The following PRAG1 variants were observed in gnomAD, a reference collection of about 807,000 sequenced individuals.
PRAG1 encodes PEAK1 related, kinase-activating pseudokinase 1.
A neutral mutation model predicts 95.6 loss-of-function variants in PRAG1; 110 were observed. The observed-to-expected ratio is 1.15, with a 90% CI of 0.99 to 1.35. PRAG1 has a LOEUF of 1.35. Among genes scored for constraint, PRAG1 ranks in the 40% most tolerant of loss-of-function variants. The pLI, the probability that PRAG1 is intolerant of heterozygous loss-of-function variation, is 0.00. For missense variants in PRAG1, 2,554 were observed against 1,864.7 expected, an observed-to-expected ratio of 1.37 and a Z score of -6.81; for synonymous variants, 1,052 against 819.4, an observed-to-expected ratio of 1.28 and a Z score of -4.85.
In PRAG1 at chr8:8,348,967, G is replaced by A. The variant is rs1473128544; in HGVS notation, c.2163-9332C>T. ...GTTTTGAGGCCACAGTGGCATCTGG[G>A]AGAATAAATGTTTCCTTTAAGAAAG... On this transcript the variant is annotated intron_variant, in intron 3 of 5. Coordinates refer to ENST00000615670, the MANE Select transcript of PRAG1 (RefSeq NM_001080826.3). Among the ~76,000 whole-genome samples the A allele has an allele frequency of 2.0e-5, 3 of 152,256 alleles. No homozygotes were observed. The East Asian group carries it at 5.8e-4, about 29-fold the overall frequency.
intron 3 of PRAG1, among the ~76,000 whole-genome samples, chr8:8,351,905 A>T (rs1799534227): frequency 6.6e-6 from 1 of 152,152 alleles, no homozygotes; most frequent in Non-Finnish European, 1.5e-5. Context: ...CAAAAACACT[A>T]GTGAGTTGTT....
In PRAG1 at chr8:8,340,127, G is replaced by A. The variant is rs140525141; in HGVS notation, c.2163-492C>T. On this transcript the variant is annotated intron_variant, in intron 3 of 5. Transcript: ENST00000615670. The stretch of plus-strand genomic sequence containing the variant: ...GGTACTCTTTTGCCAAAGCTTCAAA[G>A]GGTCTAGATTGTTTCTTGGAATTAA... 5.4e-3 allele frequency among the ~76,000 whole-genome samples: 825 copies of A among 152,290 alleles called. 8 individuals carry two copies. The highest frequency in any genetic ancestry group is 9.0e-3 in the Non-Finnish European group (609 of 68,020).
chr8:8,373,959 A>G (rs1800297164), intron 3 of PRAG1, among the ~76,000 whole-genome samples: 1 of 152,142 alleles, frequency 6.6e-6, no homozygotes, highest in Non-Finnish European at 1.5e-5. Context: ...GATTTCTCCA[A>G]GCCCCGAGAT....
intron 3 of PRAG1, among the ~76,000 whole-genome samples, chr8:8,362,268 C>G (rs567576504): frequency 6.6e-6 from 1 of 152,346 alleles, no homozygotes; most frequent in South Asian, 2.1e-4. Flanking sequence ...CCCACTCCGT[C>G]CAGCAGGACT....
Position 8,377,753 on chromosome 8 carries a change from G to A in PRAG1, c.656C>T (p.Ser219Phe). Residue 219 changes from serine (S) to phenylalanine (F), a missense_variant, in exon 3 of 6, where the codon TCT becomes TTT. Coordinates refer to ENST00000615670, the MANE Select transcript of PRAG1 (RefSeq NM_001080826.3). The part of the protein sequence containing the change: ...QKLAAFAGTT[S>F]GCHQGPGPLR... ...GGGCCCAGGGCCCTGGTGACAGCCA[G>A]ATGTGGTCCCAGCAAAGGCAGCCAG... 1.9e-6 allele frequency: 3 copies of A among 1,614,140 alleles called. No individual in the cohort carries two copies. The highest frequency in any genetic ancestry group is 2.5e-6 in the Non-Finnish European group (3 of 1,180,034).
At chr8:8,322,467 C>T (rs1047646395) in intron 5 of PRAG1, among the ~76,000 whole-genome samples, 1 of 152,022 alleles carries the variant, frequency 6.6e-6, no homozygotes, top group Non-Finnish European at 1.5e-5. Context: ...ACATGTAAAC[C>T]CAAAAATAAA....
At chr8:8,358,968 T>C (rs1481520196) in intron 3 of PRAG1, among the ~76,000 whole-genome samples, 1 of 152,260 alleles carries the variant, frequency 6.6e-6, no homozygotes, top group East Asian at 1.9e-4. Context: ...ACCTGGGACA[T>C]GCCTGAGCAA....
chr8:8,337,488 AAGAG>A (rs986955366), intron 4 of PRAG1, among the ~76,000 whole-genome samples: 5 of 151,564 alleles, frequency 3.3e-5, no homozygotes, highest in South Asian at 4.2e-4. Context: ...GAGAGAGAGA[AAGAG>A]AGAGAGAGAG....
Position 8,328,055 on chromosome 8 carries a change from G to T in PRAG1, c.2727C>A (p.Gly909=). Residue 909 remains glycine, a synonymous_variant, in exon 5 of 6, where the codon GGC becomes GGA. Transcript: ENST00000615670. ...AGNRGGCGSP[G]LQCKGAPSAS... ...CGGAGGGGGCCCCTTTGCACTGGAG[G>T]CCAGGGCTCCCGCAGCCGCCTCTGT... The T allele has an allele frequency of 1.3e-6, 2 of 1,593,806 alleles. No individual in the cohort carries two copies. Among genetic ancestry groups the T allele is most frequent in the South Asian group, 1.1e-5 (1 of 87,194 alleles).
At chr8:8,346,491 G>C (rs992956729) in intron 3 of PRAG1, among the ~76,000 whole-genome samples, 1 of 152,170 alleles carries the variant, frequency 6.6e-6, no homozygotes, top group Non-Finnish European at 1.5e-5. Context: ...CCAGTGTTTT[G>C]AGAATAGCTT....
chr8:8,322,315 G>A (rs182427587), intron 5 of PRAG1, among the ~76,000 whole-genome samples: 2 of 152,122 alleles, frequency 1.3e-5, no homozygotes, highest in East Asian at 3.9e-4. Context: ...TGAGTAGCTG[G>A]GATTACAGGT....
intron 2 of PRAG1, 71 bp downstream of exon 2, chr8:8,381,347 G>A: frequency 2.0e-6 from 3 of 1,476,040 alleles, no homozygotes; most frequent in Non-Finnish European, 1.8e-6. Flanking sequence ...CTCCCTGGCT[G>A]CCAGCCAGTC....
chr8:8,346,700 G>T (rs550322811), intron 3 of PRAG1, among the ~76,000 whole-genome samples: 1 of 152,196 alleles, frequency 6.6e-6, no homozygotes, highest in Non-Finnish European at 1.5e-5. Context: ...AACGGATGCG[G>T]GGCCCCAGTG....
chr8:8,352,586 T>G (rs1469343938), intron 3 of PRAG1, among the ~76,000 whole-genome samples: 1 of 152,250 alleles, frequency 6.6e-6, no homozygotes, highest in African/African-American at 2.4e-5. Context: ...TCACAGTTTC[T>G]CTTCCTGTTA....
At chr8:8,335,259 C>T (rs1211068239) in intron 4 of PRAG1, among the ~76,000 whole-genome samples, 1 of 152,070 alleles carries the variant, frequency 6.6e-6, no homozygotes, top group African/African-American at 2.4e-5. Flanking sequence ...GTAAGTCTTG[C>T]AATGAAATCA....
intron 3 of PRAG1, among the ~76,000 whole-genome samples, chr8:8,365,666 G>A (rs1482699446): frequency 6.6e-6 from 1 of 151,444 alleles, no homozygotes; most frequent in African/African-American, 2.4e-5. Context: ...AAGCCAAAGA[G>A]AATAAGGCTA....
chr8:8,344,627 C>T (rs1389180481), intron 3 of PRAG1, among the ~76,000 whole-genome samples: 1 of 152,126 alleles, frequency 6.6e-6, no homozygotes, highest in Non-Finnish European at 1.5e-5. Context: ...TAGGGAACAC[C>T]TGCAGGTCAG....
chr8:8,346,796 T>A (rs577227328), intron 3 of PRAG1, among the ~76,000 whole-genome samples: 5 of 152,338 alleles, frequency 3.3e-5, no homozygotes, highest in Admixed American at 3.3e-4. Flanking sequence ...GAGGCCGATT[T>A]TCATTCTCAC....
chr8:8,347,817 C>G (rs1409508420), intron 3 of PRAG1, among the ~76,000 whole-genome samples: 1 of 145,822 alleles, frequency 6.9e-6, no homozygotes, highest in Non-Finnish European at 1.5e-5. Flanking sequence ...CAATTCACAT[C>G]TTTTTTTTTT....
Sources: gnomAD v4.1 joint callset for allele counts (sites outside exome capture counted in the v4.1 genomes callset) on GRCh38, gnomAD v4.1.1 for gene constraint, MANE v1.5 for transcripts, NCBI Gene and HGNC (gene_info 2026-07-23, HGNC 2026-07-21) for gene names.